The following FBN1 variants were observed in gnomAD, a reference collection of about 807,000 sequenced individuals.
The protein encoded by FBN1 is fibrillin-1.
A neutral mutation model predicts 365.1 loss-of-function variants in FBN1; 29 were observed. The ratio of observed to expected loss-of-function variants is 0.08; its 90% confidence interval spans 0.06 to 0.11. FBN1 has a LOEUF of 0.11. Ranked by LOEUF, FBN1 falls within the 10% of genes least tolerant of loss-of-function variation. FBN1 has a pLI of 1.00. For synonymous variants in FBN1, 1,210 were observed against 1,270.5 expected (o/e 0.95, Z 1.01); for missense variants, 2,476 against 3,703.2 (o/e 0.67, Z 8.60).
intron 60 of FBN1, among the ~76,000 whole-genome samples, chr15:48,423,766 T>C (rs1183610375): frequency 6.6e-6 from 1 of 152,192 alleles, no homozygotes; most frequent in African/African-American, 2.4e-5. Context: ...TGCAACTATC[T>C]GCACTATTCA....
At chr15:48,614,347 T>C (rs1200888747) in intron 2 of FBN1, among the ~76,000 whole-genome samples, 1 of 152,222 alleles carries the variant, frequency 6.6e-6, no homozygotes, top group Non-Finnish European at 1.5e-5. Context: ...ACTGTATAGC[T>C]AAAATGTATT....
Position 48,409,279 on chromosome 15 carries a change from A to G in FBN1, c.*1711T>C, listed in dbSNP as rs2042842193. The G allele has an allele frequency of 6.6e-6, 1 of 152,224 alleles. No individual in the cohort carries two copies. The highest frequency in any genetic ancestry group is 1.5e-5 in the Non-Finnish European group (1 of 68,048). The allele number at this position is 152,224 out of a possible 1,614,324, so 9.4% of individuals were successfully genotyped here. On this transcript the variant is annotated 3_prime_UTR_variant, in exon 66 of 66. Transcript: ENST00000316623. Reference sequence around the variant, plus strand: ...CTCTATAATTGGGACCGTGTGTATTAAACTGGGGCTGACATCAGCTGACCC... The same window carrying G: ...CTCTATAATTGGGACCGTGTGTATTGAACTGGGGCTGACATCAGCTGACCC...
At chr15:48,508,850 T>C (rs1023190793) in intron 14 of FBN1, 146 bp from the exon 15 acceptor site, 8 of 982,652 alleles carry the variant, frequency 8.1e-6, no homozygotes, top group South Asian at 3.3e-5. Flanking sequence ...AATAAGATCA[T>C]CTAAGGAAGG....
intron 3 of FBN1, 113 bp from the exon 4 acceptor site, chr15:48,610,939 A>G (rs570053919): frequency 2.3e-4 from 182 of 784,120 alleles, no homozygotes; most frequent in Admixed American, 3.4e-4. Flanking sequence ...AAACTTTGCT[A>G]TCATGACTTA....
intron 14 of FBN1, 61 bp downstream of exon 14, chr15:48,509,983 A>G (rs554235962): frequency 1.3e-6 from 2 of 1,575,438 alleles, no homozygotes; most frequent in East Asian, 2.2e-5. Flanking sequence ...GTCTTGTTAA[A>G]GACCCCTGAT....
intron 54 of FBN1, 97 bp from the exon 55 acceptor site, chr15:48,433,085 C>T: frequency 3.0e-6 from 4 of 1,332,070 alleles, no homozygotes; most frequent in South Asian, 1.2e-5. Flanking sequence ...CCAAAAGTTG[C>T]AATGCTTCAT....
intron 6 of FBN1, among the ~76,000 whole-genome samples, chr15:48,567,088 G>T (rs909938164): frequency 2.0e-5 from 3 of 152,210 alleles, no homozygotes; most frequent in African/African-American, 4.8e-5. Context: ...AGTTTGAGAA[G>T]CATGGGTTTA....
chr15:48,519,023 C>T (rs919490103), intron 10 of FBN1, among the ~76,000 whole-genome samples: 2 of 152,196 alleles, frequency 1.3e-5, no homozygotes, highest in African/African-American at 4.8e-5. Flanking sequence ...GGCACCTAAA[C>T]CTGCTCTAGT....
intron 2 of FBN1, among the ~76,000 whole-genome samples, chr15:48,626,922 C>A (rs1475384891): frequency 1.3e-5 from 2 of 152,116 alleles, no homozygotes; most frequent in East Asian, 1.9e-4. Flanking sequence ...ACTCTTCCCC[C>A]AAACCCTATC....
chr15:48,481,550 T>C, intron 32 of FBN1, 105 bp downstream of exon 32: 1 of 1,197,886 alleles, frequency 8.3e-7, no homozygotes, highest in Admixed American at 2.3e-5. Flanking sequence ...AAATGTTTTA[T>C]AATATAGTTA....
intron 6 of FBN1, among the ~76,000 whole-genome samples, chr15:48,573,264 C>T (rs956939135): frequency 2.0e-5 from 3 of 152,004 alleles, no homozygotes; most frequent in African/African-American, 7.3e-5. Context: ...ATGATTATGG[C>T]CCAGAATACA....
intron 2 of FBN1, among the ~76,000 whole-genome samples, chr15:48,623,807 T>G (rs1221839956): frequency 1.3e-5 from 2 of 152,318 alleles, no homozygotes; most frequent in African/African-American, 4.8e-5. Flanking sequence ...TTTCATTCAC[T>G]GTGTACCCTC....
intron 2 of FBN1, among the ~76,000 whole-genome samples, chr15:48,631,132 G>A (rs906644873): frequency 3.9e-5 from 6 of 152,076 alleles, no homozygotes; most frequent in Non-Finnish European, 5.9e-5. Flanking sequence ...AGACCTCTCC[G>A]AAAGTCAACT....
At chr15:48,537,561 C>T (rs1347426625) in intron 7 of FBN1, 50 bp downstream of exon 7, 1 of 1,606,752 alleles carries the variant, frequency 6.2e-7, no homozygotes, top group Admixed American at 1.7e-5. Flanking sequence ...GAATGGCTCT[C>T]CAGAGCAAAT....
rs62011398 is a variant in FBN1, at chr15:48,490,186, T to C, written c.2855-108A>G. ...ACTGCACACATAATAATTTGCTGTA[T>C]ACTTATTGACTGGAATTAGTTTTAT... On this transcript the variant is annotated intron_variant, in intron 24 of 65. Transcript: ENST00000316623. The C allele has an allele frequency of 6.5e-3, 6,372 of 979,710 alleles. 32 individuals carry two copies. Among genetic ancestry groups the C allele is most frequent in the Non-Finnish European group, 8.9e-3 (5,602 of 627,914 alleles). 60.7% of individuals were successfully genotyped at this position (979,710 alleles called of 1,614,324 possible).
In FBN1 at chr15:48,434,607, C is replaced by T. The variant is rs1298438310; in HGVS notation, c.6603G>A (p.Met2201Ile). 3 of 1,613,766 alleles carry T rather than the reference C, an allele frequency of 1.9e-6. No homozygotes were observed. Among genetic ancestry groups the T allele is most frequent in the Non-Finnish European group, 1.7e-6 (2 of 1,179,736 alleles). The change falls in exon 54 of 66, where the codon ATG (methionine) becomes ATA (isoleucine). Residue 2201 changes from methionine to isoleucine, a missense_variant. Around this residue, in one of 5 missense-constraint regions of FBN1, gnomAD observed 1,780 missense variants for 2,840.8 expected, o/e 0.63. Transcript: ENST00000316623. Reference sequence around the variant, plus strand: ...TAAGAGATGTACCTTCACATGTCATCATTGGACCGGGCTCAAATCCCTCCT... The same window carrying T: ...TAAGAGATGTACCTTCACATGTCATTATTGGACCGGGCTCAAATCCCTCCT... Reference protein sequence around the residue: ...TCEEGFEPGPMMTCEDINECA... With the variant: ...TCEEGFEPGPIMTCEDINECA...
At chr15:48,462,793 C>T (rs2043289274) in intron 42 of FBN1, among the ~76,000 whole-genome samples, 1 of 152,174 alleles carries the variant, frequency 6.6e-6, no homozygotes, top group African/African-American at 2.4e-5. Context: ...CTTTTAGATA[C>T]ATGAAGAATT....
intron 6 of FBN1, among the ~76,000 whole-genome samples, chr15:48,583,136 G>C (rs564830594): frequency 6.6e-6 from 1 of 152,196 alleles, no homozygotes; most frequent in Admixed American, 6.5e-5. Flanking sequence ...GGCGGGATGC[G>C]TGTGTTTCAT....
chr15:48,435,744 A>ATATATATGTG (rs1408465553), intron 53 of FBN1, among the ~76,000 whole-genome samples: 7 of 112,588 alleles, frequency 6.2e-5, no homozygotes, highest in Non-Finnish European at 1.4e-4. Flanking sequence ...ATATGTGTGT[A>ATATATATGTG]TATATATGTG....
Sources: gnomAD v4.1 joint callset for allele counts (sites outside exome capture counted in the v4.1 genomes callset) on GRCh38, gnomAD v4.1.1 for gene constraint, gnomAD v4.1.1 regional missense constraint, MANE v1.5 for transcripts, NCBI Gene and HGNC (gene_info 2026-07-23, HGNC 2026-07-21) for gene names.